DNAH11: variants seen among roughly 807,000 people sequenced by gnomAD.
DNAH11 encodes axonemal beta dynein heavy chain 11.
DNAH11 carries 442 observed loss-of-function variants against 526.0 expected under a neutral mutation model. The observed-to-expected ratio is 0.84, with a 90% CI of 0.78 to 0.91. The LOEUF is 0.91. DNAH11 is among the 40% of genes least tolerant of loss of function. DNAH11 has a pLI of 0.00. For missense variants in DNAH11, 6,989 were observed against 5,448.7 expected (o/e 1.28, Z -8.90); for synonymous variants, 2,461 against 1,935.9 (o/e 1.27, Z -7.12).
intron 18 of DNAH11, among the ~76,000 whole-genome samples, chr7:21,602,670 T>C (rs1785139387): frequency 6.6e-6 from 1 of 152,146 alleles, no homozygotes; most frequent in Non-Finnish European, 1.5e-5. Flanking sequence ...CACTGGATTC[T>C]AGTTGATCTA....
At chr7:21,755,818 A>T (rs1487550902) in intron 54 of DNAH11, among the ~76,000 whole-genome samples, 11 of 152,188 alleles carry the variant, frequency 7.2e-5, no homozygotes, top group Non-Finnish European at 2.9e-5. Flanking sequence ...GTATGGAATG[A>T]ACTATTTAAT....
At chr7:21,875,329 CT>C (rs754143434) in intron 74 of DNAH11, among the ~76,000 whole-genome samples, 5 of 152,146 alleles carry the variant, frequency 3.3e-5, no homozygotes, top group Non-Finnish European at 7.3e-5. Flanking sequence ...TATCTGCCCC[CT>C]AAAATAAGTA....
chr7:21,804,026 G>C (rs114778392), intron 62 of DNAH11, among the ~76,000 whole-genome samples: 1 of 152,234 alleles, frequency 6.6e-6, no homozygotes, highest in Non-Finnish European at 1.5e-5. Flanking sequence ...AGCAAGAAAC[G>C]AGGGGGTACG....
intron 27 of DNAH11, among the ~76,000 whole-genome samples, chr7:21,638,691 G>T (rs1287353617): frequency 6.9e-6 from 1 of 144,118 alleles, no homozygotes; most frequent in Admixed American, 6.9e-5. Flanking sequence ...CAGCTAATGG[G>T]GTGTGTGTGT....
chr7:21,615,997 TATATC>T (rs1395348405), intron 21 of DNAH11, among the ~76,000 whole-genome samples: 6 of 152,346 alleles, frequency 3.9e-5, no homozygotes, highest in Admixed American at 6.5e-5. Flanking sequence ...TAGAAATTAA[TATATC>T]ATAATGTTTT....
In DNAH11 at chr7:21,620,028, C is replaced by T. The variant is rs769397725; in HGVS notation, c.4450C>T (p.Pro1484Ser). ...SYEVHYRTGI[P>S]LLKSDEQLFE... ...CGAAGTTCACTATCGAACAGGCATTCCATTACTAAAGTCTGATGAACAACT... is the reference window on the plus strand; with the variant it reads ...CGAAGTTCACTATCGAACAGGCATTTCATTACTAAAGTCTGATGAACAACT... Residue 1484 changes from proline to serine, a missense_variant, in exon 25 of 82, where the codon CCA (proline) becomes TCA (serine). By Grantham distance (74) the Pro-to-Ser change is moderately conservative. Transcript: ENST00000409508. 6.2e-7 allele frequency: 1 copy of T among 1,608,588 alleles called. No individual in the cohort carries two copies. The highest frequency in any genetic ancestry group is 8.5e-7 in the Non-Finnish European group (1 of 1,178,012).
intron 65 of DNAH11, among the ~76,000 whole-genome samples, chr7:21,820,576 G>A (rs1310781266): frequency 6.6e-6 from 1 of 152,132 alleles, no homozygotes; most frequent in African/African-American, 2.4e-5. Context: ...GAATCCAAAT[G>A]GGTGGAGAGT....
chr7:21,889,492 G>A (rs571888321), intron 76 of DNAH11, among the ~76,000 whole-genome samples: 6 of 152,190 alleles, frequency 3.9e-5, no homozygotes, highest in Non-Finnish European at 7.3e-5. Context: ...AATAGTGGCT[G>A]CACCATTTTA....
intron 55 of DNAH11, among the ~76,000 whole-genome samples, chr7:21,766,374 A>AT (rs1344418260): frequency 1.3e-4 from 20 of 152,196 alleles, no homozygotes; most frequent in Non-Finnish European, 2.5e-4. Context: ...TTTCCCAGGG[A>AT]GCTTTGTCTT....
rs1784587422 is a variant in DNAH11 at position 21,589,190 on chromosome 7, A to C, written c.1974-18A>C. The stretch of plus-strand genomic sequence containing the variant: ...TCTAATATACGTATAAACCAGTAGA[A>C]AAACCTTATTCCTACAGATTTTTGG... On this transcript the variant is annotated intron_variant, in intron 11 of 81. Transcript: ENST00000409508. 2 of 1,579,692 alleles carry C rather than the reference A, an allele frequency of 1.3e-6. No homozygotes were observed. The highest frequency in any genetic ancestry group is 1.7e-6 in the Non-Finnish European group (2 of 1,169,638).
At chr7:21,847,279 A>G (rs924657497) in intron 66 of DNAH11, among the ~76,000 whole-genome samples, 1 of 152,188 alleles carries the variant, frequency 6.6e-6, no homozygotes. Flanking sequence ...TTAGATAAAT[A>G]CCTTTAGGTT....
intron 30 of DNAH11, among the ~76,000 whole-genome samples, chr7:21,676,110 G>C (rs1782871544): frequency 1.3e-5 from 2 of 152,136 alleles, no homozygotes; most frequent in South Asian, 4.1e-4. Context: ...TGAGGTCATG[G>C]AAGACTTTGT....
At chr7:21,624,671 A>G (rs1385369774) in intron 25 of DNAH11, among the ~76,000 whole-genome samples, 1 of 152,144 alleles carries the variant, frequency 6.6e-6, no homozygotes, top group Non-Finnish European at 1.5e-5. Flanking sequence ...TGTTGAGTAT[A>G]TTAGCTGTGT....
At chr7:21,843,488 T>TG (rs1782295153) in intron 66 of DNAH11, among the ~76,000 whole-genome samples, 1 of 150,556 alleles carries the variant, frequency 6.6e-6, no homozygotes, top group East Asian at 1.9e-4. Context: ...TTTTGTTTTT[T>TG]TTTTTTTTTT....
intron 65 of DNAH11, among the ~76,000 whole-genome samples, chr7:21,832,189 A>T (rs6461607): frequency 0.095 from 14,397 of 152,044 alleles, 2,100 homozygotes; most frequent in African/African-American, 0.32. Context: ...TTTAAGGTTA[A>T]TATTGTTATG....
chr7:21,642,415 C>G (rs1052297695), intron 28 of DNAH11, among the ~76,000 whole-genome samples: 1 of 152,114 alleles, frequency 6.6e-6, no homozygotes, highest in Non-Finnish European at 1.5e-5. Context: ...AATTCTTGCT[C>G]ACTAACTATG....
At position 21,589,322 on chromosome 7, in the gene DNAH11, A is replaced by G. The variant is rs774546938; in HGVS notation, c.2088A>G (p.Glu696=). The change falls in exon 12 of 82, where the codon GAA becomes GAG. Residue 696 remains glutamate, a synonymous_variant. Transcript: ENST00000409508. ...IYNEWKSNVD[E]ICEFNLNQPL... is the part of the protein sequence containing the mutation. The stretch of plus-strand genomic sequence containing the variant: ...ATGAATGGAAAAGTAATGTGGATGA[A>G]ATCTGTGAATTCAATTTGAATCAAC... 1 of 1,610,700 alleles carries G rather than the reference A, an allele frequency of 6.2e-7. No homozygotes were observed. The highest frequency in any genetic ancestry group is 8.5e-7 in the Non-Finnish European group (1 of 1,178,692).
At chr7:21,581,841 G>A in intron 8 of DNAH11, 64 bp from the exon 9 acceptor site, 1 of 1,002,526 alleles carries the variant, frequency 1.0e-6, no homozygotes, top group Non-Finnish European at 1.6e-6. Context: ...TCACGCTTGT[G>A]TGATTGCTAT....
At chr7:21,692,494 A>G (rs1282647803) in intron 35 of DNAH11, among the ~76,000 whole-genome samples, 1 of 152,220 alleles carries the variant, frequency 6.6e-6, no homozygotes, top group African/African-American at 2.4e-5. Flanking sequence ...TGTTGAGCGT[A>G]TCAGTAGTTT....
Sources: gnomAD v4.1 joint callset for allele counts (sites outside exome capture counted in the v4.1 genomes callset) on GRCh38, gnomAD v4.1.1 for gene constraint, MANE v1.5 for transcripts, NCBI Gene and HGNC (gene_info 2026-07-23, HGNC 2026-07-21) for gene names.